GAD1: variants seen among roughly 807,000 people sequenced by gnomAD.
GAD1 encodes 67 kDa glutamic acid decarboxylase.
In GAD1, 35 loss-of-function variants were observed where a neutral mutation model predicts 75.2. The ratio of observed to expected loss-of-function variants is 0.47; its 90% CI spans 0.36 to 0.62. The LOEUF is 0.62. Ranked by LOEUF, GAD1 falls within the 20% of genes least tolerant of loss-of-function variation. The pLI is 0.00. For missense variants in GAD1, 490 were observed against 758.5 expected (o/e 0.65, Z 4.16); for synonymous variants, 257 against 271.9 (o/e 0.95, Z 0.54).
At chr2:170,855,661 G>A (rs1177413082) in intron 14 of GAD1, among the ~76,000 whole-genome samples, 1 of 151,846 alleles carries the variant, frequency 6.6e-6, no homozygotes, top group African/African-American at 2.4e-5. Flanking sequence ...GATCATTTGA[G>A]CTCAGGAGTT....
At chr2:170,852,890 T>TCACGAGATTGGCAGCCC in intron 13 of GAD1, 98 bp downstream of exon 13, 1 of 1,044,900 alleles carries the variant, frequency 9.6e-7, no homozygotes, top group Non-Finnish European at 1.5e-6. Flanking sequence ...GTTGGCTGAC[T>TCACGAGATTGGCAGCCC]CACGAGATTG....
intron 7 of GAD1, 86 bp downstream of exon 7, chr2:170,844,243 T>G: frequency 2.4e-6 from 2 of 820,684 alleles, no homozygotes; most frequent in Non-Finnish European, 4.2e-6. Flanking sequence ...GAATAATGCC[T>G]TAACATTTTT....
upstream of GAD1, among the ~76,000 whole-genome samples, chr2:170,814,418 T>G (rs1037229102): frequency 2.0e-5 from 3 of 151,984 alleles, no homozygotes; most frequent in African/African-American, 4.8e-5. Context: ...CTGGATGGAG[T>G]GGAATTCCAG....
At chr2:170,822,003 C>A in intron 2 of GAD1, 84 bp from the exon 3 acceptor site, 1 of 1,169,052 alleles carries the variant, frequency 8.6e-7, no homozygotes, top group Non-Finnish European at 1.2e-6. Flanking sequence ...CCTCATCCTC[C>A]CCCAAGAAAA....
At chr2:170,822,806 G>A (rs1043236811) in intron 3 of GAD1, among the ~76,000 whole-genome samples, 1 of 152,232 alleles carries the variant, frequency 6.6e-6, no homozygotes, top group Non-Finnish European at 1.5e-5. Context: ...AGGGAGGCAC[G>A]AGGGTTTGCC....
chr2:170,851,295 A>T (rs1702739519), intron 12 of GAD1, among the ~76,000 whole-genome samples: 1 of 152,198 alleles, frequency 6.6e-6, no homozygotes, highest in Non-Finnish European at 1.5e-5. Context: ...CCTAAATATA[A>T]TTTTTTAATG....
rs891326162 is a variant in GAD1, at chr2:170,852,661, G to C, written c.1185-53G>C. On this transcript the variant is annotated intron_variant, in intron 12 of 16. Coordinates refer to ENST00000358196, the MANE Select transcript of GAD1 (RefSeq NM_000817.3). ...AATGGGTGTTTTCCTCAAGAGAACA[G>C]TTGCGTCTTTCCAACTCCTGCACCT... 6 of 1,478,466 alleles carry C rather than the reference G, an allele frequency of 4.1e-6. No individual in the cohort carries two copies. In the Admixed American group the frequency reaches 8.4e-5, roughly 21 times the overall value. The allele number at this position is 1,478,466 out of a possible 1,614,324, so 91.6% of individuals were successfully genotyped here. A position where few individuals can be genotyped will look rare whatever the true frequency, so the allele number is the denominator to read the frequency against.
intron 14 of GAD1, among the ~76,000 whole-genome samples, chr2:170,855,269 C>T (rs1372450463): frequency 1.4e-5 from 2 of 147,130 alleles, no homozygotes; most frequent in Non-Finnish European, 3.0e-5. Context: ...AGTTCAGAGG[C>T]GCGATCTCTG....
chr2:170,843,724 G>A (rs1702571658), intron 6 of GAD1: 1 of 285,314 alleles, frequency 3.5e-6, no homozygotes, highest in Non-Finnish European at 6.7e-6. Context: ...AGAGGTAAAA[G>A]GGACTCAGAA....
At chr2:170,819,921 A>C (rs915794344) in intron 2 of GAD1, among the ~76,000 whole-genome samples, 2 of 151,844 alleles carry the variant, frequency 1.3e-5, no homozygotes, top group African/African-American at 4.8e-5. Context: ...TTAAGTCCTC[A>C]GGTCTCATTC....
intron 6 of GAD1, among the ~76,000 whole-genome samples, chr2:170,837,427 A>G (rs1702403719): frequency 1.3e-5 from 2 of 152,242 alleles, no homozygotes; most frequent in African/African-American, 4.8e-5. Flanking sequence ...TGTGTAGGCA[A>G]AGCCTTCCTT....
At chr2:170,829,431 G>A in intron 3 of GAD1, 44 bp from the exon 4 acceptor site, 1 of 1,609,018 alleles carries the variant, frequency 6.2e-7, no homozygotes, top group Non-Finnish European at 8.5e-7. Flanking sequence ...CTCAGGGGCT[G>A]GGCAGTTTGC....
chr2:170,824,801 C>T (rs748302890), intron 3 of GAD1, among the ~76,000 whole-genome samples: 16 of 152,260 alleles, frequency 1.1e-4, no homozygotes, highest in African/African-American at 2.9e-4. Context: ...GACCTAAATA[C>T]GATGAGTTGC....
At chr2:170,844,968 T>A (rs1273633273) in intron 7 of GAD1, among the ~76,000 whole-genome samples, 2 of 152,156 alleles carry the variant, frequency 1.3e-5, no homozygotes, top group Non-Finnish European at 2.9e-5. Context: ...TAGGTAAACA[T>A]GAGTTTGTTC....
rs1553578748 is a variant in GAD1 at position 170,840,645 on chromosome 2, G to GGA, written c.639-3400_639-3399insGA. On this transcript the variant is annotated intron_variant, in intron 6 of 16. Coordinates refer to ENST00000358196, the MANE Select transcript of GAD1 (RefSeq NM_000817.3). ...GGAGGAAGGGAGGAAGGGAGGAAAGGAGGGAGGTAGGGAAGGGAGGGAGGG... is the reference window on the plus strand; with the variant it reads ...GGAGGAAGGGAGGAAGGGAGGAAAGGGAAGGGAGGTAGGGAAGGGAGGGAGGG... 6.5e-4 allele frequency among the ~76,000 whole-genome samples: 76 copies of GGA among 117,362 alleles called. 1 individual carries two copies. Among genetic ancestry groups the GGA allele is most frequent in the Admixed American group, 2.6e-3 (30 of 11,688 alleles). 77.0% of individuals were successfully genotyped at this position (117,362 alleles called of 152,430 possible).
intron 6 of GAD1, chr2:170,842,800 C>T (rs151195053): frequency 7.4e-7 from 1 of 1,350,316 alleles, no homozygotes. Flanking sequence ...CTTTTACCTC[C>T]ATGTGATTAA....
intron 5 of GAD1, among the ~76,000 whole-genome samples, chr2:170,835,752 A>G (rs1381221423): frequency 1.3e-5 from 2 of 152,208 alleles, no homozygotes; most frequent in African/African-American, 4.8e-5. Context: ...TGGATATTGC[A>G]TATATATTTT....
chr2:170,828,526 T>TCTCCTCCCTCTGCTGTCCTCACC (rs1702105743), intron 3 of GAD1, among the ~76,000 whole-genome samples: 2 of 60,746 alleles, frequency 3.3e-5, no homozygotes, highest in African/African-American at 6.4e-5. Flanking sequence ...CTGTCCTTGC[T>TCTCCTCCCTCTGCTGTCCTCACC]CTCCTCCCTC....
In GAD1 at chr2:170,857,117, A is replaced by C; in HGVS notation, c.1513A>C (p.Asn505His). 6.2e-7 allele frequency: 1 copy of C among 1,612,850 alleles called. No individual in the cohort carries two copies. The change falls in exon 15 of 17, where the codon AAT becomes CAT. Residue 505 changes from asparagine to histidine, a missense_variant. Asn to His is a moderately conservative substitution (Grantham distance 68). Transcript: ENST00000358196. Reference sequence around the variant, plus strand: ...CAGAGAAGAATTTGAGATGGTTTTCAATGGCGAGGTAGGTAATCATCATGG... The same window carrying C: ...CAGAGAAGAATTTGAGATGGTTTTCCATGGCGAGGTAGGTAATCATCATGG... Reference protein sequence around the residue: ...KNREEFEMVFNGEPEHTNVCF... With the variant: ...KNREEFEMVFHGEPEHTNVCF...
Sources: gnomAD v4.1 joint callset for allele counts (sites outside exome capture counted in the v4.1 genomes callset) on GRCh38, gnomAD v4.1.1 for gene constraint, MANE v1.5 for transcripts, NCBI Gene and HGNC (gene_info 2026-07-23, HGNC 2026-07-21) for gene names.